The following ROPN1L variants were observed in gnomAD, a reference collection of about 807,000 sequenced individuals.
ROPN1L encodes the protein ropporin-1-like protein.
ROPN1L carries 23 observed loss-of-function variants against 22.7 expected under a neutral mutation model. The ratio of observed to expected loss-of-function variants is 1.01; its 90% confidence interval spans 0.73 to 1.43. The LOEUF (loss-of-function observed/expected upper bound fraction) is 1.43, where lower values mean the gene tolerates loss of function less well. ROPN1L is among the 40% of genes most tolerant of loss of function. The pLI, the probability that ROPN1L is intolerant of heterozygous loss-of-function variation, is 0.00. For missense variants in ROPN1L, 271 were observed against 291.5 expected (o/e 0.93, Z 0.51); for synonymous variants, 116 against 117.8 (o/e 0.98, Z 0.10).
intron 3 of ROPN1L, among the ~76,000 whole-genome samples, chr5:10,452,400 G>A (rs533928377): frequency 1.4e-3 from 208 of 145,248 alleles, no homozygotes; most frequent in African/African-American, 5.1e-3. Context: ...GCAGTGGTGC[G>A]ATCTGGGCTC....
In ROPN1L at chr5:10,461,905, A is replaced by G. The variant is rs1272744454; in HGVS notation, c.593+546A>G. Among the ~76,000 whole-genome samples the G allele has an allele frequency of 4.6e-5, 7 of 152,206 alleles. 1 individual carries two copies. In the South Asian group the frequency reaches 1.2e-3, roughly 27 times the overall value. ...CTGGAGCATGGGGGCTTTTGCCCCC[A>G]TGGAGTTGAGGTACATCCCCTCCCT... On this transcript the variant is annotated intron_variant, in intron 4 of 4. Coordinates refer to ENST00000274134, the MANE Select transcript of ROPN1L (RefSeq NM_031916.5).
chr5:10,446,350 C>G (rs1741061872), intron 1 of ROPN1L, among the ~76,000 whole-genome samples: 1 of 152,182 alleles, frequency 6.6e-6, no homozygotes, highest in African/African-American at 2.4e-5. Context: ...CATCCACCCT[C>G]TGTTGTGACA....
the ROPN1L span, among the ~76,000 whole-genome samples, chr5:10,481,077 C>G: frequency 6.6e-6 from 1 of 152,186 alleles, no homozygotes; most frequent in African/African-American, 2.4e-5. Context: ...TTTACCTACT[C>G]CTAGGCTAAA....
chr5:10,456,449 C>T (rs1043970018), intron 3 of ROPN1L, among the ~76,000 whole-genome samples: 3 of 152,208 alleles, frequency 2.0e-5, no homozygotes, highest in Non-Finnish European at 4.4e-5. Flanking sequence ...GATCGCATCA[C>T]TGAACTCCAG....
At chr5:10,458,846 C>A in intron 3 of ROPN1L, among the ~76,000 whole-genome samples, 1 of 20,586 alleles carries the variant, frequency 4.9e-5, no homozygotes, top group African/African-American at 1.6e-4. Context: ...CCCCCGTATG[C>A]CCCATCCCCC....
downstream of ROPN1L, among the ~76,000 whole-genome samples, chr5:10,474,418 G>T (rs1735292339): frequency 6.6e-6 from 1 of 152,210 alleles, no homozygotes; most frequent in Admixed American, 6.5e-5. Context: ...TCTCACACTG[G>T]CTTTGAAGAC....
At chr5:10,457,588 T>A (rs1734863170) in intron 3 of ROPN1L, among the ~76,000 whole-genome samples, 1 of 152,220 alleles carries the variant, frequency 6.6e-6, no homozygotes. Flanking sequence ...GTGACTGTCA[T>A]TATTCTCACT....
intron 1 of ROPN1L, among the ~76,000 whole-genome samples, chr5:10,444,393 C>T (rs1461088037): frequency 6.6e-6 from 1 of 152,056 alleles, no homozygotes; most frequent in African/African-American, 2.4e-5. Context: ...CGGGTTCAAG[C>T]GATTCTCCTG....
intron 3 of ROPN1L, among the ~76,000 whole-genome samples, chr5:10,454,628 G>A (rs891934607): frequency 6.6e-6 from 1 of 152,134 alleles, no homozygotes; most frequent in African/African-American, 2.4e-5. Context: ...CTTTAGTCAG[G>A]CTTTGAAACG....
chr5:10,448,474 C>A, intron 2 of ROPN1L, 91 bp downstream of exon 2: 1 of 1,469,416 alleles, frequency 6.8e-7, no homozygotes, highest in South Asian at 1.3e-5. Context: ...GGGCACACCC[C>A]AGCAATGTAT....
At chr5:10,447,355 T>C (rs1248187663) in intron 1 of ROPN1L, among the ~76,000 whole-genome samples, 1 of 152,088 alleles carries the variant, frequency 6.6e-6, no homozygotes, top group Admixed American at 6.5e-5. Context: ...TTTCCCACTC[T>C]TGCCCCCAAC....
chr5:10,470,516 G>T (rs56143551), intron 4 of ROPN1L, among the ~76,000 whole-genome samples: 40 of 152,284 alleles, frequency 2.6e-4, no homozygotes, highest in African/African-American at 9.6e-4. Flanking sequence ...CTGGCTTTTG[G>T]TAAGGCCAGA....
chr5:10,476,154 T>TCTAG (rs1430957255), downstream of ROPN1L, among the ~76,000 whole-genome samples: 5 of 152,348 alleles, frequency 3.3e-5, no homozygotes, highest in Admixed American at 1.3e-4. Flanking sequence ...AAATGCAGTC[T>TCTAG]CTAGCTGAGC....
At chr5:10,480,976 G>A in the ROPN1L span, among the ~76,000 whole-genome samples, 3 of 152,214 alleles carry the variant, frequency 2.0e-5, no homozygotes, top group East Asian at 1.9e-4. Flanking sequence ...CTTCCAGATC[G>A]TCTGTTTCTT....
downstream of ROPN1L, among the ~76,000 whole-genome samples, chr5:10,467,056 T>G (rs1188667302): frequency 6.6e-6 from 1 of 152,094 alleles, no homozygotes; most frequent in Non-Finnish European, 1.5e-5. Context: ...CTTTTAAAGA[T>G]CCTGTCTCCA....
intron 4 of ROPN1L, among the ~76,000 whole-genome samples, chr5:10,462,122 T>C (rs1735044292): frequency 1.3e-5 from 2 of 152,300 alleles, no homozygotes; most frequent in South Asian, 4.1e-4. Context: ...GGGCTGAAAG[T>C]CCCACCCCTC....
intron 3 of ROPN1L, among the ~76,000 whole-genome samples, chr5:10,455,725 G>C (rs751584804): frequency 6.9e-6 from 1 of 144,818 alleles, no homozygotes; most frequent in Non-Finnish European, 1.5e-5. Flanking sequence ...GGAAACTCTA[G>C]AGGATAATAG....
chr5:10,465,568 G>C (rs1162237448), downstream of ROPN1L, among the ~76,000 whole-genome samples: 3 of 151,596 alleles, frequency 2.0e-5, no homozygotes, highest in African/African-American at 7.3e-5. Context: ...GGGGCTTTTT[G>C]GTCAGGCGCA....
chr5:10,478,001 G>A, the ROPN1L span: 2 of 152,220 alleles, frequency 1.3e-5, no homozygotes, highest in African/African-American at 4.8e-5. Flanking sequence ...AATCAGCAGC[G>A]AGCACATCAG....
Sources: gnomAD v4.1 joint callset for allele counts (sites outside exome capture counted in the v4.1 genomes callset) on GRCh38, gnomAD v4.1.1 for gene constraint, MANE v1.5 for transcripts, NCBI Gene and HGNC (gene_info 2026-07-23, HGNC 2026-07-21) for gene names.